Variants in CYTH3 observed in about 807,000 individuals in gnomAD.
CYTH3 encodes the protein cytohesin 3, also known as cytohesin-3.
A neutral mutation model predicts 55.1 loss-of-function variants in CYTH3; 23 were observed. That is an observed-to-expected ratio of 0.42 (90% confidence interval 0.30 to 0.59). CYTH3 has a LOEUF of 0.59. CYTH3 is among the 20% of genes least tolerant of loss of function. The probability of loss-of-function intolerance (pLI) is 0.20; values close to 1 mark genes in which losing one functional copy is unlikely to be tolerated. For synonymous variants in CYTH3, 249 were observed against 194.9 expected (o/e 1.28, Z -2.31); for missense variants, 413 against 524.8 (o/e 0.79, Z 2.08).
chr7:6,237,684 G>A (rs895316997), intron 1 of CYTH3, among the ~76,000 whole-genome samples: 1 of 152,120 alleles, frequency 6.6e-6, no homozygotes, highest in Admixed American at 6.6e-5. Flanking sequence ...ACTCCAGCCT[G>A]GGCGACAGAG....
At chr7:6,245,884 G>A (rs10085518) in intron 1 of CYTH3, among the ~76,000 whole-genome samples, 49,686 of 152,130 alleles carry the variant, frequency 0.33, 13,931 homozygotes, top group East Asian at 0.75. Flanking sequence ...AGCCTGGGCA[G>A]CAAGAGTGAA....
intron 1 of CYTH3, among the ~76,000 whole-genome samples, chr7:6,208,116 T>C (rs1046152464): frequency 2.0e-5 from 3 of 152,230 alleles, no homozygotes; most frequent in African/African-American, 7.2e-5. Flanking sequence ...AGATCAAGTG[T>C]AGGTATACAC....
At chr7:6,212,115 C>G (rs879292345) in intron 1 of CYTH3, among the ~76,000 whole-genome samples, 6 of 152,166 alleles carry the variant, frequency 3.9e-5, no homozygotes, top group Non-Finnish European at 7.3e-5. Flanking sequence ...TCCTTCTACT[C>G]TCTATCTCCA....
rs749296671 is a variant in CYTH3 at position 6,228,759 on chromosome 7, C to T, written c.35-38228G>A. Among the ~76,000 whole-genome samples the T allele has an allele frequency of 9.2e-5, 14 of 152,300 alleles. No individual in the cohort carries two copies. In the South Asian group the frequency reaches 1.0e-3, roughly 11 times the overall value. On this transcript the variant is annotated intron_variant, in intron 1 of 12. Transcript: ENST00000350796. The stretch of plus-strand genomic sequence containing the variant: ...AAGGATTCCCTCACACTCAAGAACA[C>T]GGCTGTGTTTTTAAGAATGTAAAAA...
chr7:6,196,441 CTTTTTTCT>C (rs1229043133), intron 1 of CYTH3, among the ~76,000 whole-genome samples: 23 of 144,808 alleles, frequency 1.6e-4, no homozygotes, highest in Middle Eastern at 3.5e-3. Flanking sequence ...GAGGGAGCAT[CTTTTTTCT>C]TTTTTTCTTT....
At chr7:6,185,427 G>GGT (rs1562884877) in intron 4 of CYTH3, among the ~76,000 whole-genome samples, 35 of 151,110 alleles carry the variant, frequency 2.3e-4, no homozygotes, top group East Asian at 1.2e-3. Flanking sequence ...CGGGTGCACT[G>GGT]GGCTCACGCC....
rs191404580 is a variant in CYTH3, at chr7:6,250,836, T to C, written c.34+21638A>G. On this transcript the variant is annotated intron_variant, in intron 1 of 12. Coordinates refer to ENST00000350796, the MANE Select transcript of CYTH3 (RefSeq NM_004227.4). ...GATGACTATAATGGCATGTGGATTA[T>C]AGTGATTTCTAAAAAGAGAATAGGT... Among the ~76,000 whole-genome samples, 146 of 152,378 alleles carry C rather than the reference T, an allele frequency of 9.6e-4. No individual in the cohort carries two copies. In the Middle Eastern group the frequency reaches 0.014, roughly 14 times the overall value.
chr7:6,222,640 G>A (rs538276487), intron 1 of CYTH3, among the ~76,000 whole-genome samples: 68 of 151,856 alleles, frequency 4.5e-4, no homozygotes, highest in African/African-American at 9.2e-4. Context: ...CCAGCTACTC[G>A]GGAGGCTGAG....
At chr7:6,175,333 A>G (rs183272994) in intron 5 of CYTH3, among the ~76,000 whole-genome samples, 29 of 152,232 alleles carry the variant, frequency 1.9e-4, no homozygotes, top group African/African-American at 6.7e-4. Context: ...TCTGAAGCAC[A>G]ATATTCTGAT....
chr7:6,268,509 T>C (rs1780568432), intron 1 of CYTH3, among the ~76,000 whole-genome samples: 1 of 152,192 alleles, frequency 6.6e-6, no homozygotes, highest in African/African-American at 2.4e-5. Context: ...TCTCTCCATG[T>C]CAACTAAGAA....
intron 1 of CYTH3, among the ~76,000 whole-genome samples, chr7:6,255,080 A>G (rs562676827): frequency 6.6e-6 from 1 of 152,366 alleles, no homozygotes; most frequent in East Asian, 1.9e-4. Flanking sequence ...AATGCCTACT[A>G]TTACAATCGT....
chr7:6,171,447 G>T lies in CYTH3; in HGVS notation c.450-133C>A. The T allele has an allele frequency of 1.4e-6, 1 of 707,178 alleles. No homozygotes were observed. 43.8% of individuals were successfully genotyped at this position (707,178 alleles called of 1,614,324 possible). ...GGTACAGCTCTGGCAGGGGCTTGGG[G>T]GCGCAGAGACAGAAAGGAGAAGACC... On this transcript the variant is annotated intron_variant, in intron 6 of 12. Coordinates refer to ENST00000350796, the MANE Select transcript of CYTH3 (RefSeq NM_004227.4). This position sits in a 1 kb window ranked among gnomAD's most constrained non-coding sequence, Gnocchi z 6.7.
At chr7:6,235,276 G>A (rs1490065242) in intron 1 of CYTH3, among the ~76,000 whole-genome samples, 1 of 152,104 alleles carries the variant, frequency 6.6e-6, no homozygotes, top group Non-Finnish European at 1.5e-5. Flanking sequence ...ACGAGTTCAA[G>A]AACAGCCTGG....
At chr7:6,248,247 C>CAAA (rs754789105) in intron 1 of CYTH3, among the ~76,000 whole-genome samples, 3 of 128,258 alleles carry the variant, frequency 2.3e-5, no homozygotes, top group African/African-American at 8.7e-5. Context: ...CCCCCCCAGC[C>CAAA]AAAAAAAAAA....
chr7:6,260,240 G>A (rs1562418634), intron 1 of CYTH3, among the ~76,000 whole-genome samples: 1 of 151,962 alleles, frequency 6.6e-6, no homozygotes, highest in African/African-American at 2.4e-5. Context: ...TGACAAACCC[G>A]CTTTTTAAAG....
chr7:6,210,001 G>T (rs1174059299), intron 1 of CYTH3, among the ~76,000 whole-genome samples: 1 of 152,148 alleles, frequency 6.6e-6, no homozygotes, highest in East Asian at 1.9e-4. Flanking sequence ...ACTCCTGGTT[G>T]GTGAAACTCT....
At chr7:6,186,961 C>A in intron 4 of CYTH3, 89 bp downstream of exon 4, 1 of 1,329,738 alleles carries the variant, frequency 7.5e-7, no homozygotes, top group South Asian at 1.2e-5. Context: ...CAGGGCGGAC[C>A]ACCTCTGACC....
intron 1 of CYTH3, among the ~76,000 whole-genome samples, chr7:6,242,866 T>G (rs1428336180): frequency 6.6e-6 from 1 of 152,100 alleles, no homozygotes; most frequent in African/African-American, 2.4e-5. Flanking sequence ...GTCCCTGTGC[T>G]GGGACCCCAG....
intron 1 of CYTH3, among the ~76,000 whole-genome samples, chr7:6,263,901 T>C (rs1780418120): frequency 6.6e-6 from 1 of 152,098 alleles, no homozygotes; most frequent in Admixed American, 6.6e-5. Flanking sequence ...TAATCTCTAA[T>C]GCAAGCTGCA....
Sources: allele counts gnomAD v4.1 joint callset (sites outside exome capture counted in the v4.1 genomes callset), GRCh38; gene constraint gnomAD v4.1.1; non-coding constraint Gnocchi (gnomAD v3.1); transcripts MANE v1.5; gene names NCBI Gene and HGNC (gene_info 2026-07-23, HGNC 2026-07-21).